CENPF: variants seen among roughly 807,000 people sequenced by gnomAD.
CENPF encodes the protein centromere protein F.
A neutral mutation model predicts 307.3 loss-of-function variants in CENPF; 214 were observed. The observed-to-expected ratio is 0.70, with a 90% CI of 0.62 to 0.78. CENPF has a LOEUF of 0.78. CENPF is among the 30% of genes least tolerant of loss of function. CENPF has a pLI of 0.00. For synonymous variants in CENPF, 1,259 were observed against 1,270.6 expected (o/e 0.99, Z 0.19); for missense variants, 3,401 against 3,483.9 (o/e 0.98, Z 0.60).
intron 13 of CENPF, chr1:214,647,991 C>T (rs779393395): frequency 4.0e-6 from 2 of 500,400 alleles, no homozygotes; most frequent in South Asian, 2.9e-5. Context: ...GAAGATCTGC[C>T]ATCAAGAGGC....
At chr1:214,610,477 G>GT (rs1657168010) in intron 1 of CENPF, among the ~76,000 whole-genome samples, 2 of 144,130 alleles carry the variant, frequency 1.4e-5, no homozygotes, top group African/African-American at 5.2e-5. Context: ...TTAGCCACAT[G>GT]TATTTTTTTT....
At chr1:214,632,197 A>G (rs1657826944) in intron 9 of CENPF, among the ~76,000 whole-genome samples, 1 of 152,044 alleles carries the variant, frequency 6.6e-6, no homozygotes, top group Admixed American at 6.6e-5. Context: ...TTGGTTATTT[A>G]TTAATACCTA....
In CENPF at chr1:214,648,816, A is replaced by AAG. The variant is rs1553290902; in HGVS notation, c.7975_7976dup (p.Ser2659ArgfsTer7). ...GTTGCAGTTACTGTTGGAAGAAATA[A>AAG]AGAGCAGCAAAGTAAGTTTCTTTGT... On this transcript the variant is annotated frameshift_variant, in exon 14 of 20. Coordinates refer to ENST00000366955, the MANE Select transcript of CENPF (RefSeq NM_016343.4). LOFTEE classifies it high-confidence loss of function. 2 of 1,613,380 alleles carry AAG rather than the reference A, an allele frequency of 1.2e-6. No individual in the cohort carries two copies. Among genetic ancestry groups the AAG allele is most frequent in the Non-Finnish European group, 1.7e-6 (2 of 1,179,710 alleles).
In CENPF at chr1:214,641,799, A is replaced by G; in HGVS notation, c.3461A>G (p.Glu1154Gly). ...KEVNDLLQEN[E>G]QLMKVMKTKH... ...GTTAATGACTTATTACAAGAGAATG[A>G]ACAGCTGATGAAGGTAATGAAGACT... Residue 1154 changes from glutamate (E) to glycine (G), a missense_variant, in exon 12 of 20, where the codon GAA becomes GGA. By Grantham distance (98) the Glu-to-Gly change is moderately conservative (BLOSUM62 -2). Coordinates refer to ENST00000366955, the MANE Select transcript of CENPF (RefSeq NM_016343.4). 6.2e-7 allele frequency: 1 copy of G among 1,604,720 alleles called. No homozygotes were observed. The highest frequency in any genetic ancestry group is 8.5e-7 in the Non-Finnish European group (1 of 1,177,808).
rs201954964 is a variant in CENPF, at chr1:214,641,865, A to T, written c.3527A>T (p.Asn1176Ile). Residue 1176 changes from asparagine to isoleucine, a missense_variant, in exon 12 of 20, where the codon AAC (asparagine) becomes ATC (isoleucine). Transcript: ENST00000366955. ...CQNLESEPIR[N>I]SVKERESERN... ...AATCTAGAATCAGAACCAATTAGGA[A>T]CTCTGTGAAAGAAAGAGAGAGTGAG... 11 of 1,606,284 alleles carry T rather than the reference A, an allele frequency of 6.8e-6. No individual in the cohort carries two copies. In the East Asian group the frequency reaches 2.0e-4, roughly 29 times the overall value.
rs565091276 is a variant in CENPF, at chr1:214,659,403, C to T, written c.9141+375C>T. On this transcript the variant is annotated intron_variant, in intron 19 of 19. Transcript: ENST00000366955. This position sits in a 1 kb window ranked among gnomAD's most constrained non-coding sequence, Gnocchi z 4.4. The stretch of plus-strand genomic sequence containing the variant: ...AACTTTACTCTCACTTATCTGCCCC[C>T]AGCTGCTAATTCTTTATTGTTTTTA... Among the ~76,000 whole-genome samples the T allele has an allele frequency of 6.6e-6, 1 of 151,998 alleles. No individual in the cohort carries two copies. The highest frequency in any genetic ancestry group is 1.5e-5 in the Non-Finnish European group (1 of 67,972).
chr1:214,618,473 T>G (rs1571698487), intron 3 of CENPF, 100 bp from the exon 4 acceptor site: 6 of 1,377,048 alleles, frequency 4.4e-6, no homozygotes, highest in Non-Finnish European at 9.9e-7. Context: ...AGTGGATGGG[T>G]TTCTTTGTAA....
chr1:214,628,489 G>C (rs899157369), intron 7 of CENPF, among the ~76,000 whole-genome samples: 2 of 152,248 alleles, frequency 1.3e-5, no homozygotes, highest in Admixed American at 1.3e-4. Flanking sequence ...AATTGCCCAG[G>C]CTGGAGTGCA....
At chr1:214,662,745 C>A (rs1658819600) in intron 19 of CENPF, among the ~76,000 whole-genome samples, 1 of 151,820 alleles carries the variant, frequency 6.6e-6, no homozygotes, top group Non-Finnish European at 1.5e-5. Context: ...GCACTTTTTT[C>A]TCTTTTTTGA....
At chr1:214,637,253 A>G (rs764261020) in intron 10 of CENPF, among the ~76,000 whole-genome samples, 2 of 152,252 alleles carry the variant, frequency 1.3e-5, no homozygotes, top group Admixed American at 6.5e-5. Flanking sequence ...AATGATTAGT[A>G]TCACATCTTC....
chr1:214,606,512 C>A (rs960027995), intron 1 of CENPF, among the ~76,000 whole-genome samples: 1 of 152,090 alleles, frequency 6.6e-6, no homozygotes, highest in Non-Finnish European at 1.5e-5. Context: ...ACAGCGGACA[C>A]TCTTCCTCCC....
intron 7 of CENPF, among the ~76,000 whole-genome samples, chr1:214,628,818 C>G (rs370142931): frequency 1.3e-5 from 2 of 152,174 alleles, no homozygotes; most frequent in African/African-American, 4.8e-5. Flanking sequence ...CCTCTCATTT[C>G]CATGCAACAA....
Position 214,642,708 on chromosome 1 carries a change from A to C in CENPF, c.4370A>C (p.Gln1457Pro). The C allele has an allele frequency of 6.2e-7, 1 of 1,614,172 alleles. No individual in the cohort carries two copies. The highest frequency in any genetic ancestry group is 1.1e-5 in the South Asian group (1 of 91,084). The change falls in exon 12 of 20, where the codon CAA becomes CCA. Residue 1457 changes from glutamine (Q) to proline (P), a missense_variant. Gln to Pro is a moderately conservative substitution (Grantham distance 76). Coordinates refer to ENST00000366955, the MANE Select transcript of CENPF (RefSeq NM_016343.4). ...LVLSTNLRNF[Q>P]GDLVKEMQLG... ...TTGTCAACGAATCTGAGAAACTTTC[A>C]AGGTGACTTGGTGAAGGAGATGCAG...
intron 8 of CENPF, 23 bp downstream of exon 8, chr1:214,629,194 G>A (rs1415949934): frequency 2.6e-6 from 4 of 1,554,622 alleles, no homozygotes; most frequent in Admixed American, 4.1e-5. Flanking sequence ...GATTCATGAG[G>A]TGTTTGTCTG....
intron 3 of CENPF, among the ~76,000 whole-genome samples, chr1:214,616,224 A>AG (rs1282799238): frequency 2.2e-4 from 34 of 152,214 alleles, no homozygotes; most frequent in African/African-American, 8.0e-4. Context: ...GTTTATGAAA[A>AG]TAATAGCAGG....
At chr1:214,614,345 T>C (rs141117765) in intron 2 of CENPF, among the ~76,000 whole-genome samples, 5 of 152,272 alleles carry the variant, frequency 3.3e-5, no homozygotes, top group African/African-American at 1.2e-4. Flanking sequence ...TTTCTTAGAC[T>C]GGGCTTTTTA....
At chr1:214,663,509 AC>A in intron 19 of CENPF, 81 bp from the exon 20 acceptor site, 1 of 1,351,880 alleles carries the variant, frequency 7.4e-7, no homozygotes, top group Non-Finnish European at 1.0e-6. Context: ...TTAATTTAAA[AC>A]TTAGTGACAT....
At chr1:214,636,596 CT>C (rs1369376344) in intron 10 of CENPF, among the ~76,000 whole-genome samples, 4 of 152,222 alleles carry the variant, frequency 2.6e-5, no homozygotes, top group African/African-American at 4.8e-5. Context: ...TCTCCCTCTT[CT>C]TGAATTTGGC....
At chr1:214,613,555 A>G (rs1657254482) in intron 1 of CENPF, among the ~76,000 whole-genome samples, 159 bp from the exon 2 acceptor site, 1 of 152,160 alleles carries the variant, frequency 6.6e-6, no homozygotes, top group South Asian at 2.1e-4. Flanking sequence ...ATTGGTTGCC[A>G]CCTTTCAGAG....
Sources: gnomAD v4.1 joint callset for allele counts (sites outside exome capture counted in the v4.1 genomes callset) on GRCh38, gnomAD v4.1.1 for gene constraint, Gnocchi (gnomAD v3.1) non-coding constraint, MANE v1.5 for transcripts, NCBI Gene and HGNC (gene_info 2026-07-23, HGNC 2026-07-21) for gene names.